The following AUTS2 variants were observed in gnomAD, a reference collection of about 807,000 sequenced individuals.
The protein encoded by AUTS2 is activator of transcription and developmental regulator AUTS2, also known as autism susceptibility gene 2 protein.
A neutral mutation model predicts 112.4 loss-of-function variants in AUTS2; 17 were observed. That is an observed-to-expected ratio of 0.15 (90% CI 0.10 to 0.23). The LOEUF is 0.23. Among genes scored for constraint, AUTS2 ranks in the 10% least tolerant of loss-of-function variants. AUTS2 has a pLI of 1.00. For synonymous variants in AUTS2, 751 were observed against 702.7 expected (o/e 1.07, Z -1.09); for missense variants, 1,510 against 1,701.6 (o/e 0.89, Z 1.98).
At chr7:70,385,280 G>A (rs535937684) in intron 4 of AUTS2, among the ~76,000 whole-genome samples, 1 of 152,284 alleles carries the variant, frequency 6.6e-6, no homozygotes, top group Admixed American at 6.5e-5. Flanking sequence ...ACTGAAGAAA[G>A]GAAGATGTTC....
chr7:70,052,087 C>A (rs1294206305), intron 2 of AUTS2, among the ~76,000 whole-genome samples: 5 of 152,140 alleles, frequency 3.3e-5, no homozygotes, highest in Non-Finnish European at 5.9e-5. Context: ...GGAGAAGATA[C>A]AGGTTAAATG....
At chr7:70,553,912 C>T (rs554867682) in intron 5 of AUTS2, among the ~76,000 whole-genome samples, 36 of 150,238 alleles carry the variant, frequency 2.4e-4, no homozygotes, top group African/African-American at 8.3e-4. Context: ...GGATTACAGG[C>T]ACGCGCCACC....
At chr7:70,088,996 AC>A (rs1803767939) in intron 2 of AUTS2, among the ~76,000 whole-genome samples, 1 of 152,130 alleles carries the variant, frequency 6.6e-6, no homozygotes. Context: ...GTTTACTGAG[AC>A]TTGCTTTGTG....
intron 2 of AUTS2, among the ~76,000 whole-genome samples, chr7:70,061,822 T>C (rs1315176239): frequency 2.6e-5 from 4 of 151,680 alleles, no homozygotes; most frequent in Non-Finnish European, 4.4e-5. Flanking sequence ...AGTTTCACTC[T>C]TGTTGCCCAG....
intron 4 of AUTS2, among the ~76,000 whole-genome samples, chr7:70,373,124 CT>C (rs879507389): frequency 4.0e-3 from 557 of 140,242 alleles, no homozygotes; most frequent in Admixed American, 4.4e-3. Flanking sequence ...TCAAGACAAG[CT>C]TTTTTTTTTT....
chr7:70,728,551 T>C (rs1268911449), intron 6 of AUTS2, among the ~76,000 whole-genome samples: 2 of 151,970 alleles, frequency 1.3e-5, no homozygotes, highest in East Asian at 1.9e-4. Flanking sequence ...TCTACTAAAA[T>C]ATAAAAATCA....
intron 1 of AUTS2, among the ~76,000 whole-genome samples, chr7:69,713,197 C>T (rs1166079840): frequency 6.6e-6 from 1 of 152,174 alleles, no homozygotes; most frequent in African/African-American, 2.4e-5. Flanking sequence ...GGGTATTTAG[C>T]ATATCTACCA....
intron 4 of AUTS2, among the ~76,000 whole-genome samples, chr7:70,426,997 G>C (rs550255087): frequency 2.0e-5 from 3 of 150,592 alleles, no homozygotes; most frequent in Non-Finnish European, 4.4e-5. Context: ...GGGGGTGGGG[G>C]CTCAGACCCC....
intron 1 of AUTS2, among the ~76,000 whole-genome samples, chr7:69,767,678 T>C (rs769096797): frequency 6.6e-6 from 1 of 152,232 alleles, no homozygotes; most frequent in Non-Finnish European, 1.5e-5. Context: ...AGTGGCTTGC[T>C]CCATCTTTCT....
chr7:70,423,252 T>C (rs11768371), intron 4 of AUTS2, among the ~76,000 whole-genome samples: 7,651 of 152,310 alleles, frequency 0.05, 286 homozygotes, highest in Middle Eastern at 0.12. Flanking sequence ...TGGGAATTTT[T>C]ATCTCTGTCA....
chr7:70,302,455 A>G (rs143537969), intron 4 of AUTS2, among the ~76,000 whole-genome samples: 30 of 152,256 alleles, frequency 2.0e-4, no homozygotes, highest in East Asian at 1.5e-3. Flanking sequence ...CTTGAATACT[A>G]TAACTAGTTT....
intron 4 of AUTS2, among the ~76,000 whole-genome samples, chr7:70,158,966 A>G (rs1484241848): frequency 2.0e-5 from 3 of 152,166 alleles, no homozygotes; most frequent in African/African-American, 4.8e-5. Context: ...CATGTTACAT[A>G]TTTGTTTGGA....
At chr7:70,470,045 G>A (rs537444696) in intron 5 of AUTS2, among the ~76,000 whole-genome samples, 5 of 152,314 alleles carry the variant, frequency 3.3e-5, no homozygotes, top group African/African-American at 1.2e-4. Context: ...TGGTAGATGC[G>A]AGAAAGGCCT....
At chr7:70,464,550 C>G (rs1464935166) in intron 5 of AUTS2, among the ~76,000 whole-genome samples, 1 of 152,164 alleles carries the variant, frequency 6.6e-6, no homozygotes, top group Non-Finnish European at 1.5e-5. Context: ...TGCCTAGGGT[C>G]TCACGGCTAG....
chr7:69,742,138 G>T (rs551321865), intron 1 of AUTS2, among the ~76,000 whole-genome samples: 2 of 150,112 alleles, frequency 1.3e-5, no homozygotes, highest in Non-Finnish European at 3.0e-5. Flanking sequence ...TTTGAGGGGG[G>T]AGGGCAGATG....
chr7:69,934,221 G>A (rs1238742968), intron 2 of AUTS2, among the ~76,000 whole-genome samples: 1 of 152,128 alleles, frequency 6.6e-6, no homozygotes, highest in African/African-American at 2.4e-5. Context: ...AGAAGTGGAG[G>A]TGACAGTAAG....
At chr7:70,014,882 A>G (rs1283858829) in intron 2 of AUTS2, among the ~76,000 whole-genome samples, 1 of 152,236 alleles carries the variant, frequency 6.6e-6, no homozygotes, top group African/African-American at 2.4e-5. Flanking sequence ...GTGGCTTCCA[A>G]AAAAGCATTT....
At chr7:70,441,225 G>A (rs1796111237) in intron 5 of AUTS2, among the ~76,000 whole-genome samples, 1 of 152,100 alleles carries the variant, frequency 6.6e-6, no homozygotes, top group African/African-American at 2.4e-5. Context: ...TGTGCTGTTA[G>A]CAGTAGGAAC....
intron 2 of AUTS2, among the ~76,000 whole-genome samples, chr7:70,099,466 T>G (rs1231766539): frequency 6.6e-6 from 1 of 152,018 alleles, no homozygotes; most frequent in Non-Finnish European, 1.5e-5. Context: ...GTGGGGGTCA[T>G]TTTTTTGGCT....
Sources: allele counts gnomAD v4.1 joint callset (sites outside exome capture counted in the v4.1 genomes callset), GRCh38; gene constraint gnomAD v4.1.1; transcripts MANE v1.5; gene names NCBI Gene and HGNC (gene_info 2026-07-23, HGNC 2026-07-21).